The following PYCR1 variants were observed in gnomAD, a reference collection of about 807,000 sequenced individuals.
The protein encoded by PYCR1 is pyrroline-5-carboxylate reductase 1, mitochondrial.
In PYCR1, 19 loss-of-function variants were observed where a neutral mutation model predicts 22.9. The observed-to-expected ratio is 0.83, with a 90% confidence interval of 0.58 to 1.22. PYCR1 has a LOEUF of 1.22. PYCR1 is among the 50% of genes most tolerant of loss of function. The pLI is 0.00. For missense variants in PYCR1, 429 were observed against 431.3 expected (o/e 0.99, Z 0.05); for synonymous variants, 175 against 180.5 (o/e 0.97, Z 0.24).
rs1406444263 is a variant in PYCR1, at chr17:81,936,897, A to AG, written c.-84dup. 8 of 1,553,690 alleles carry AG rather than the reference A, an allele frequency of 5.1e-6. No homozygotes were observed. Among genetic ancestry groups the AG allele is most frequent in the African/African-American group, 1.4e-5 (1 of 73,572 alleles). ...AGACCGGCAGGATCGAGAGCAAGTT[A>AG]GGGGGGCAGTGCCAGCCTGGCCGCT... On this transcript the variant is annotated 5_prime_UTR_variant, in exon 1 of 7. Transcript: ENST00000329875.
chr17:81,934,898 C>A, intron 4 of PYCR1, 28 bp downstream of exon 4: 1 of 1,608,094 alleles, frequency 6.2e-7, no homozygotes. Flanking sequence ...AAGTGCCCGC[C>A]GCCGCCAGCT....
Position 81,935,494 on chromosome 17 carries a change from G to A in PYCR1, c.161C>T (p.Pro54Leu), listed in dbSNP as rs1182101470. The A allele has an allele frequency of 2.5e-6, 4 of 1,611,360 alleles. No individual in the cohort carries two copies. Among genetic ancestry groups the A allele is most frequent in the African/African-American group, 1.3e-5 (1 of 75,006 alleles). Residue 54 changes from proline to leucine, a missense_variant, in exon 3 of 7, where the codon CCC (proline) becomes CTC (leucine). Physicochemically the swap from Pro to Leu is moderately conservative, Grantham distance 98. Coordinates refer to ENST00000329875, the MANE Select transcript of PYCR1 (RefSeq NM_006907.4). ...GTGCTGCACCGTCTCCTTGTTGTGG[G>A]GTGTCAACTTCACCCCCATCTTCTG... ...ALRKMGVKLT[P>L]HNKETVQHSD...
Position 81,933,070 on chromosome 17 carries a change from G to T in PYCR1, c.*144C>A, listed in dbSNP as rs2041032931. The stretch of plus-strand genomic sequence containing the variant: ...ACCACAGAGATTTCCAGTGGGAAGT[G>T]ATGTGGCCCCTCCCTGGCTATGTCC... On this transcript the variant is annotated 3_prime_UTR_variant, in exon 7 of 7. Coordinates refer to ENST00000329875, the MANE Select transcript of PYCR1 (RefSeq NM_006907.4). 1.9e-6 allele frequency: 3 copies of T among 1,582,320 alleles called. No individual in the cohort carries two copies. Among genetic ancestry groups the T allele is most frequent in the Admixed American group, 3.6e-5 (2 of 55,886 alleles).
Sources: allele counts gnomAD v4.1 joint callset, GRCh38; gene constraint gnomAD v4.1.1; transcripts MANE v1.5; gene names NCBI Gene and HGNC (gene_info 2026-07-23, HGNC 2026-07-21).